Variants in SPECC1 observed in about 807,000 individuals in gnomAD.
SPECC1 encodes the protein cytospin-B.
In SPECC1, 62 loss-of-function variants were observed where a neutral mutation model predicts 104.1. That is an observed-to-expected ratio of 0.60 (90% CI 0.49 to 0.74). SPECC1 has a LOEUF of 0.74. SPECC1 is among the 30% of genes least tolerant of loss of function. The pLI, the probability that SPECC1 is intolerant of heterozygous loss-of-function variation, is 0.00. For missense variants in SPECC1, 1,306 were observed against 1,310.5 expected (o/e 1.00, Z 0.05); for synonymous variants, 513 against 501.6 (o/e 1.02, Z -0.30).
chr17:20,318,730 G>C lies in SPECC1; in HGVS notation c.*4665G>C, dbSNP rs1017484271. 4.5e-6 allele frequency: 1 copy of C among 222,830 alleles called. No homozygotes were observed. The highest frequency in any genetic ancestry group is 9.0e-6 in the Non-Finnish European group (1 of 111,682). 13.8% of individuals were successfully genotyped at this position (222,830 alleles called of 1,614,324 possible). On this transcript the variant is annotated 3_prime_UTR_variant, in exon 15 of 15. Transcript: ENST00000395527. ...CTCACAGCCTTTTTAGAAGCATTTC[G>C]AATATCTACAGTTGCCTCAATTCAC...
chr17:20,300,046 T>A lies in SPECC1; in HGVS notation c.3057+2969T>A, dbSNP rs190163647. On this transcript the variant is annotated intron_variant, in intron 13 of 14. Transcript: ENST00000395527. Reference sequence around the variant, plus strand: ...GTGACTGAAGACTGAATTTTTAATTTCAATTTTCATGTTAAATAACCACAT... The same window carrying A: ...GTGACTGAAGACTGAATTTTTAATTACAATTTTCATGTTAAATAACCACAT... 1.9e-3 allele frequency among the ~76,000 whole-genome samples: 295 copies of A among 152,372 alleles called. 2 individuals carry two copies. The highest frequency in any genetic ancestry group is 1.0e-3 in the Non-Finnish European group (70 of 68,034).
At chr17:20,298,117 C>T (rs755654000) in intron 13 of SPECC1, among the ~76,000 whole-genome samples, 12 of 152,004 alleles carry the variant, frequency 7.9e-5, no homozygotes, top group Non-Finnish European at 1.2e-4. Flanking sequence ...TTTGGGAGGC[C>T]GAAGCGGGTG....
intron 4 of SPECC1, among the ~76,000 whole-genome samples, chr17:20,215,474 T>C (rs186581969): frequency 6.6e-6 from 1 of 152,330 alleles, no homozygotes; most frequent in African/African-American, 2.4e-5. Context: ...ATCTTTCTTC[T>C]CCACTTGTTC....
At chr17:20,034,374 G>C (rs2044968933) in intron 1 of SPECC1, among the ~76,000 whole-genome samples, 1 of 151,548 alleles carries the variant, frequency 6.6e-6, no homozygotes, top group South Asian at 2.1e-4. Flanking sequence ...TGGGATTACA[G>C]GTGTGAGCCA....
intron 1 of SPECC1, among the ~76,000 whole-genome samples, chr17:20,080,517 G>A (rs1202893018): frequency 2.0e-5 from 3 of 152,086 alleles, no homozygotes; most frequent in African/African-American, 7.2e-5. Context: ...AGCCACAAGT[G>A]CCCGACATAA....
intron 13 of SPECC1, among the ~76,000 whole-genome samples, chr17:20,304,117 C>CAAAAAA (rs774130653): frequency 2.5e-5 from 1 of 39,336 alleles, no homozygotes; most frequent in Non-Finnish European, 4.8e-5. Context: ...ACTAAAAATA[C>CAAAAAA]AAAAAAAAAA....
At chr17:20,235,426 C>T (rs926614724) in intron 7 of SPECC1, among the ~76,000 whole-genome samples, 30 of 152,174 alleles carry the variant, frequency 2.0e-4, no homozygotes, top group Non-Finnish European at 5.9e-5. Context: ...GAGAAAAAGG[C>T]TTTGAAATGA....
chr17:20,096,909 C>T, intron 2 of SPECC1, 111 bp downstream of exon 2: 1 of 1,371,270 alleles, frequency 7.3e-7, no homozygotes, highest in Non-Finnish European at 1.0e-6. Context: ...GAAGGAGGCT[C>T]CCAAGGAGGG....
chr17:20,258,709 G>C (rs1194128996), intron 11 of SPECC1, among the ~76,000 whole-genome samples: 2 of 152,212 alleles, frequency 1.3e-5, no homozygotes, highest in Non-Finnish European at 2.9e-5. Flanking sequence ...TAAGGTTCTA[G>C]CCTGAATCGT....
chr17:20,273,317 C>A, intron 12 of SPECC1, among the ~76,000 whole-genome samples: 1 of 151,952 alleles, frequency 6.6e-6, no homozygotes, highest in East Asian at 1.9e-4. Flanking sequence ...AACCTCATCT[C>A]TACTAAAAAC....
chr17:20,283,130 G>A (rs1002621237), intron 12 of SPECC1, among the ~76,000 whole-genome samples: 2 of 152,196 alleles, frequency 1.3e-5, no homozygotes, highest in African/African-American at 4.8e-5. Context: ...GCTACAGTGA[G>A]CCCTGATCAC....
intron 3 of SPECC1, among the ~76,000 whole-genome samples, chr17:20,122,616 C>T (rs1284441531): frequency 1.3e-5 from 2 of 152,182 alleles, no homozygotes; most frequent in Admixed American, 6.5e-5. Context: ...GAAACTCTGT[C>T]CCCATTAAAC....
Position 20,313,965 on chromosome 17 carries a change from T to G in SPECC1, c.3118-11T>G. 2 of 1,613,852 alleles carry G rather than the reference T, an allele frequency of 1.2e-6. No individual in the cohort carries two copies. Among genetic ancestry groups the G allele is most frequent in the Non-Finnish European group, 1.7e-6 (2 of 1,179,820 alleles). On this transcript the variant is annotated splice_polypyrimidine_tract_variant and intron_variant, in intron 14 of 14. Coordinates refer to ENST00000395527, the MANE Select transcript of SPECC1 (RefSeq NM_001243439.2). Reference sequence around the variant, plus strand: ...GCCTTGTGATCTGTCCCCCATTCCCTTCCCCTGCAGGAACTCAGCGAGATG... The same window carrying G: ...GCCTTGTGATCTGTCCCCCATTCCCGTCCCCTGCAGGAACTCAGCGAGATG...
chr17:20,081,684 G>C lies in SPECC1; in HGVS notation c.-21-14947G>C, dbSNP rs188056321. On this transcript the variant is annotated intron_variant, in intron 1 of 14. Transcript: ENST00000395527. Reference sequence around the variant, plus strand: ...GCATCTGGAAGATTGGGCTGGACTGGGATCTGTCCGGAATGTAGAGCCCAC... The same window carrying C: ...GCATCTGGAAGATTGGGCTGGACTGCGATCTGTCCGGAATGTAGAGCCCAC... 1.2e-3 allele frequency among the ~76,000 whole-genome samples: 182 copies of C among 152,168 alleles called. No homozygotes were observed. The Middle Eastern group carries it at 0.017, about 14-fold the overall frequency.
chr17:20,107,144 C>CAAAAAAAAAAAAAA (rs531912350), intron 2 of SPECC1, among the ~76,000 whole-genome samples: 2 of 68,212 alleles, frequency 2.9e-5, no homozygotes, highest in African/African-American at 8.3e-5. Flanking sequence ...ACTCGTGTCT[C>CAAAAAAAAAAAAAA]AAAAAAAAAA....
intron 12 of SPECC1, among the ~76,000 whole-genome samples, chr17:20,265,514 T>G (rs1029692340): frequency 6.6e-6 from 1 of 152,198 alleles, no homozygotes; most frequent in Non-Finnish European, 1.5e-5. Context: ...ATGCATAGTT[T>G]GTGAATATTT....
At chr17:20,280,871 G>A (rs896553331) in intron 12 of SPECC1, among the ~76,000 whole-genome samples, 3 of 152,198 alleles carry the variant, frequency 2.0e-5, no homozygotes, top group Non-Finnish European at 4.4e-5. Flanking sequence ...TTGGAAGAAC[G>A]GGTTTCATAA....
intron 3 of SPECC1, among the ~76,000 whole-genome samples, chr17:20,192,269 C>T (rs548110082): frequency 6.6e-6 from 1 of 152,016 alleles, no homozygotes; most frequent in African/African-American, 2.4e-5. Flanking sequence ...GCCATTACAC[C>T]GAGCCCTCAT....
intron 1 of SPECC1, among the ~76,000 whole-genome samples, chr17:20,071,111 A>T (rs2046535640): frequency 6.6e-6 from 1 of 152,122 alleles, no homozygotes; most frequent in South Asian, 2.1e-4. Context: ...AGTGCGCTAC[A>T]GCCTTGATCT....
Sources: gnomAD v4.1 joint callset for allele counts (sites outside exome capture counted in the v4.1 genomes callset) on GRCh38, gnomAD v4.1.1 for gene constraint, MANE v1.5 for transcripts, NCBI Gene and HGNC (gene_info 2026-07-23, HGNC 2026-07-21) for gene names.